MCAT: variants seen among roughly 807,000 people sequenced by gnomAD.
MCAT encodes the protein malonyl-CoA-acyl carrier protein transacylase.
MCAT carries 22 observed loss-of-function variants against 22.9 expected under a neutral mutation model. The observed-to-expected ratio is 0.96, with a 90% CI of 0.69 to 1.37. The LOEUF (loss-of-function observed/expected upper bound fraction) is 1.37, where lower values mean the gene tolerates loss of function less well. Among genes scored for constraint, MCAT ranks in the 40% most tolerant of loss-of-function variants. The pLI is 0.00. For missense variants in MCAT, 534 were observed against 533.6 expected (o/e 1.00, Z -0.01); for synonymous variants, 240 against 233.9 (o/e 1.03, Z -0.24).
chr22:43,135,150 TC>T (rs965678226), intron 3 of MCAT, among the ~76,000 whole-genome samples: 2 of 152,152 alleles, frequency 1.3e-5, no homozygotes, highest in African/African-American at 4.8e-5. Context: ...GAAAGGGGCT[TC>T]CCCCCTGAGG....
chr22:43,137,243 G>A lies in MCAT; in HGVS notation c.567C>T (p.Val189=), dbSNP rs775163741. The A allele has an allele frequency of 5.0e-6, 8 of 1,614,062 alleles. No individual in the cohort carries two copies. The Admixed American group carries it at 1.3e-4, about 27-fold the overall frequency. ...AEAMQEASEA[V]PSGMLSVLGQ... ...CGAGGACAGACAGCATCCCACTGGG[G>A]ACAGCTTCTGAAGCTTCCTGCATGG... Residue 189 remains valine, a synonymous_variant, in exon 3 of 4, where the codon GTC becomes GTT. Transcript: ENST00000290429.
chr22:43,139,553 A>G (rs959555253), intron 2 of MCAT, among the ~76,000 whole-genome samples: 1 of 150,898 alleles, frequency 6.6e-6, no homozygotes, highest in South Asian at 2.1e-4. Flanking sequence ...AGAAAACACA[A>G]AAGTGTAACT....
At chr22:43,138,288 T>G (rs1930676886) in intron 2 of MCAT, among the ~76,000 whole-genome samples, 2 of 152,196 alleles carry the variant, frequency 1.3e-5, no homozygotes, top group Middle Eastern at 6.8e-3. Context: ...ACTACATGAA[T>G]TTCAGTGACA....
Position 43,143,091 on chromosome 22 carries a change from G to A in MCAT, c.258C>T (p.Arg86=), listed in dbSNP as rs1275880722. The change falls in exon 1 of 4, where the codon CGC becomes CGT. Residue 86 remains arginine, a synonymous_variant. Coordinates refer to ENST00000290429, the MANE Select transcript of MCAT (RefSeq NM_173467.5). ...GGGCGGCGGCGTAGAGTTCGCGGAC[G>A]CGCGGGTAGTTGAGCAGACCGCGGC... ...GMGRGLLNYP[R]VRELYAAARR... The A allele has an allele frequency of 1.9e-6, 3 of 1,606,736 alleles. No homozygotes were observed. The highest frequency in any genetic ancestry group is 2.7e-5 in the African/African-American group (2 of 74,858).
At chr22:43,134,944 C>G (rs1930560403) in intron 3 of MCAT, among the ~76,000 whole-genome samples, 1 of 152,240 alleles carries the variant, frequency 6.6e-6, no homozygotes, top group African/African-American at 2.4e-5. Context: ...CTTCCTGGAG[C>G]ATCTGTGGTC....
chr22:43,142,827 C>T lies in MCAT; in HGVS notation c.423+99G>A, dbSNP rs1270634130. On this transcript the variant is annotated intron_variant, in intron 1 of 3. Transcript: ENST00000290429. The stretch of plus-strand genomic sequence containing the variant: ...AAAAAACTCGATCGAATGAGTAAGA[C>T]GTGGGAGCCCCCGGAATGGCAGGCG... 23 of 1,237,462 alleles carry T rather than the reference C, an allele frequency of 1.9e-5. 1 individual carries two copies. The East Asian group carries it at 4.4e-4, about 23-fold the overall frequency. 76.7% of individuals were successfully genotyped at this position (1,237,462 alleles called of 1,614,324 possible). A position where few individuals can be genotyped will look rare whatever the true frequency, so the allele number is the denominator to read the frequency against.
intron 1 of MCAT, 78 bp from the exon 2 acceptor site, chr22:43,141,327 C>T (rs551922523): frequency 7.4e-5 from 94 of 1,265,546 alleles, no homozygotes; most frequent in Admixed American, 1.2e-4. Context: ...TGAGAGCTGG[C>T]GGGGTGTTCA....
At chr22:43,138,068 A>G (rs1485165904) in intron 2 of MCAT, among the ~76,000 whole-genome samples, 8 of 152,086 alleles carry the variant, frequency 5.3e-5, no homozygotes. Flanking sequence ...TGCAAAAAAT[A>G]AAATACAAAT....
In MCAT at chr22:43,137,116, A is replaced by G. The variant is rs142553567; in HGVS notation, c.694T>C (p.Phe232Leu). 5 of 1,614,176 alleles carry G rather than the reference A, an allele frequency of 3.1e-6. No individual in the cohort carries two copies. Among genetic ancestry groups the G allele is most frequent in the African/African-American group, 1.3e-5 (1 of 75,064 alleles). ...NPVCEVSNYL[F>L]PDCRVISGHQ... ...CCTGAAATCACCCTGCAATCTGGAA[A>G]GAGGTAGTTGGACACTTCACATACG... is the stretch of plus-strand genomic sequence containing the variant. The change falls in exon 3 of 4, where the codon TTT (phenylalanine) becomes CTT (leucine). Residue 232 changes from phenylalanine to leucine, a missense_variant. Phe to Leu is a conservative substitution (Grantham distance 22). Coordinates refer to ENST00000290429, the MANE Select transcript of MCAT (RefSeq NM_173467.5).
In MCAT at chr22:43,143,020, G is replaced by A. The variant is rs1403515371; in HGVS notation, c.329C>T (p.Pro110Leu). ...CACGGTGCGGTCCAGGGTCTCCTGC[G>A]GCCCGTGCAGGCTCAGTTCCAGCAG... ...YDLLELSLHG[P>L]QETLDRTVHC... is the part of the protein sequence containing the mutation. Residue 110 changes from proline to leucine, a missense_variant, in exon 1 of 4, where the codon CCG becomes CTG. Transcript: ENST00000290429. The A allele has an allele frequency of 5.0e-6, 8 of 1,609,312 alleles. No individual in the cohort carries two copies. The highest frequency in any genetic ancestry group is 3.3e-5 in the South Asian group (3 of 90,450).
In MCAT at chr22:43,143,290, C is replaced by T; in HGVS notation, c.59G>A (p.Arg20His). The change falls in exon 1 of 4, where the codon CGC becomes CAC. Residue 20 changes from arginine to histidine, a missense_variant. By Grantham distance (29) the Arg-to-His change is conservative. Transcript: ENST00000290429. ...AGGCACCGGGAAGCTCGAGGCGCCG[C>T]GGCGGTAGCTGGCGCCCAAGCCCCT... ...WVRGLGASYRRGASSFPVPPP... is the reference protein window; with the variant it reads ...WVRGLGASYRHGASSFPVPPP... 1 of 1,430,756 alleles carries T rather than the reference C, an allele frequency of 7.0e-7. No individual in the cohort carries two copies. The highest frequency in any genetic ancestry group is 9.1e-7 in the Non-Finnish European group (1 of 1,103,568). 88.6% of individuals were successfully genotyped at this position (1,430,756 alleles called of 1,614,324 possible). A position where few individuals can be genotyped will look rare whatever the true frequency, so the allele number is the denominator to read the frequency against.
chr22:43,132,992 A>G lies in MCAT; in HGVS notation c.*51T>C, dbSNP rs2147030800. Reference sequence around the variant, plus strand: ...GTAGGGGGCGACAGGCACAGCCTACAGCCTCTCCTCAGGAGGACAGAGGGG... The same window carrying G: ...GTAGGGGGCGACAGGCACAGCCTACGGCCTCTCCTCAGGAGGACAGAGGGG... On this transcript the variant is annotated 3_prime_UTR_variant, in exon 4 of 4. Coordinates refer to ENST00000290429, the MANE Select transcript of MCAT (RefSeq NM_173467.5). The G allele has an allele frequency of 1.3e-6, 2 of 1,549,918 alleles. No homozygotes were observed. Among genetic ancestry groups the G allele is most frequent in the East Asian group, 4.5e-5 (2 of 44,260 alleles).
rs762969039 is a variant in MCAT, at chr22:43,143,324, C to T, written c.25G>A (p.Ala9Thr). The part of the protein sequence containing the change: MSVRVARV[A>T]WVRGLGASYR... ...CTGGCGCCCAAGCCCCTGACCCACG[C>T]TACCCGTGCGACCCGGACGCTCATG... Residue 9 changes from alanine to threonine, a missense_variant, in exon 1 of 4, where the codon GCG becomes ACG. Physicochemically the swap from Ala to Thr is moderately conservative, Grantham distance 58. Transcript: ENST00000290429. 3 of 1,397,886 alleles carry T rather than the reference C, an allele frequency of 2.1e-6. No homozygotes were observed. The highest frequency in any genetic ancestry group is 2.8e-6 in the Non-Finnish European group (3 of 1,086,986). 86.6% of individuals were successfully genotyped at this position (1,397,886 alleles called of 1,614,324 possible).
chr22:43,141,270 C>T (rs374126385), intron 1 of MCAT, 21 bp from the exon 2 acceptor site: 73 of 1,599,940 alleles, frequency 4.6e-5, no homozygotes, highest in Admixed American at 1.7e-4. Flanking sequence ...AGATGCAGAA[C>T]GTGAGCCCTC....
Position 43,133,032 on chromosome 22 carries a change from G to A in MCAT, c.*11C>T. The A allele has an allele frequency of 4.4e-6, 7 of 1,607,934 alleles. No individual in the cohort carries two copies. The highest frequency in any genetic ancestry group is 6.0e-6 in the Non-Finnish European group (7 of 1,175,842). ...GGACAGAGGGGGTCATCGCATTTGAGCCCCCTGCAGTCATCTCGGGGGCTC... is the reference window on the plus strand; with the variant it reads ...GGACAGAGGGGGTCATCGCATTTGAACCCCCTGCAGTCATCTCGGGGGCTC... On this transcript the variant is annotated 3_prime_UTR_variant, in exon 4 of 4. Coordinates refer to ENST00000290429, the MANE Select transcript of MCAT (RefSeq NM_173467.5).
intron 1 of MCAT, among the ~76,000 whole-genome samples, chr22:43,141,648 T>C (rs998971817): frequency 1.3e-5 from 2 of 152,136 alleles, no homozygotes; most frequent in African/African-American, 2.4e-5. Context: ...CTCGGCTCAC[T>C]GCAACGTCCG....
chr22:43,133,807 C>CCT (rs1555973353), intron 3 of MCAT, among the ~76,000 whole-genome samples: 5,909 of 141,288 alleles, frequency 0.042, 416 homozygotes, highest in African/African-American at 0.15. Flanking sequence ...AATGAGAATT[C>CCT]TTTTTTTTTT....
rs573680083 is a variant in MCAT, at chr22:43,135,204, CAAG to C, written c.730-1721_730-1719del. Reference sequence around the variant, plus strand: ...CCTGAGCTCTTTGCTGTGGCACTACCAAGAATACCAAAGGGAAGCTGGGCACAG... The same window carrying C: ...CCTGAGCTCTTTGCTGTGGCACTACCAATACCAAAGGGAAGCTGGGCACAG... On this transcript the variant is annotated intron_variant, in intron 3 of 3. Coordinates refer to ENST00000290429, the MANE Select transcript of MCAT (RefSeq NM_173467.5). Among the ~76,000 whole-genome samples the C allele has an allele frequency of 7.2e-5, 11 of 152,326 alleles. No individual in the cohort carries two copies. The East Asian group carries it at 1.5e-3, about 21-fold the overall frequency.
At chr22:43,138,648 G>A (rs1429617964) in intron 2 of MCAT, among the ~76,000 whole-genome samples, 1 of 152,098 alleles carries the variant, frequency 6.6e-6, no homozygotes, top group Non-Finnish European at 1.5e-5. Context: ...GAGGTGGGAG[G>A]ATTGCTGGAG....
Sources: gnomAD v4.1 joint callset for allele counts (sites outside exome capture counted in the v4.1 genomes callset) on GRCh38, gnomAD v4.1.1 for gene constraint, MANE v1.5 for transcripts, NCBI Gene and HGNC (gene_info 2026-07-23, HGNC 2026-07-21) for gene names.